The following CYRIB variants were observed in gnomAD, a reference collection of about 807,000 sequenced individuals.
CYRIB encodes the protein CYFIP related Rac1 interactor B.
Under a neutral mutation model 44.2 loss-of-function variants are expected in CYRIB, and 8 were observed. That is an observed-to-expected ratio of 0.18 (90% CI 0.11 to 0.33). The LOEUF (loss-of-function observed/expected upper bound fraction) is 0.33, where lower values mean the gene tolerates loss of function less well. Ranked by LOEUF, CYRIB falls within the 10% of genes least tolerant of loss-of-function variation. CYRIB has a pLI of 1.00. For synonymous variants in CYRIB, 131 were observed against 127.2 expected (o/e 1.03, Z -0.20); for missense variants, 185 against 382.8 (o/e 0.48, Z 4.31).
At chr8:129,983,534 A>C (rs2096331870) in intron 1 of CYRIB, among the ~76,000 whole-genome samples, 1 of 152,244 alleles carries the variant, frequency 6.6e-6, no homozygotes, top group South Asian at 2.1e-4. Context: ...TTTTTAAATA[A>C]GAAGACACCA....
At chr8:129,878,372 A>G (rs1003352992) in intron 3 of CYRIB, among the ~76,000 whole-genome samples, 4 of 152,222 alleles carry the variant, frequency 2.6e-5, no homozygotes, top group African/African-American at 9.6e-5. Flanking sequence ...GAATTACATA[A>G]AATTGTAAAA....
chr8:129,914,541 T>C (rs2079709955), intron 1 of CYRIB, among the ~76,000 whole-genome samples: 1 of 152,202 alleles, frequency 6.6e-6, no homozygotes, highest in South Asian at 2.1e-4. Context: ...CTAGAAATGA[T>C]GCTCACTCCA....
chr8:129,865,950 G>A (rs951469748), intron 4 of CYRIB, among the ~76,000 whole-genome samples: 1 of 152,164 alleles, frequency 6.6e-6, no homozygotes, highest in African/African-American at 2.4e-5. Context: ...AATCCCTTCA[G>A]CCACATCGGG....
At chr8:129,941,335 G>A (rs1334963577), upstream of CYRIB, among the ~76,000 whole-genome samples, 5 of 147,948 alleles carry the variant, frequency 3.4e-5, no homozygotes, top group South Asian at 2.2e-4. Flanking sequence ...GTACAGTGGC[G>A]CGATATCGGC....
Position 129,860,710 on chromosome 8 carries a change from A to G in CYRIB, c.301+1519T>C, listed in dbSNP as rs150350026. On this transcript the variant is annotated intron_variant, in intron 5 of 11. Transcript: ENST00000519824. ...TACAAATACAAATGGCCAAATAGCA[A>G]ATATAAATATAGTAAGATATTAAAA... Among the ~76,000 whole-genome samples, 71 of 152,294 alleles carry G rather than the reference A, an allele frequency of 4.7e-4. No homozygotes were observed. In the South Asian group the frequency reaches 0.01, roughly 22 times the overall value.
chr8:129,924,854 T>C (rs935166942), intron 1 of CYRIB, among the ~76,000 whole-genome samples: 1 of 152,162 alleles, frequency 6.6e-6, no homozygotes, highest in Non-Finnish European at 1.5e-5. Context: ...GGTGCATACC[T>C]ATAGTCCCAG....
At chr8:129,900,199 A>G (rs1242663935) in intron 2 of CYRIB, among the ~76,000 whole-genome samples, 1 of 148,870 alleles carries the variant, frequency 6.7e-6, no homozygotes, top group Admixed American at 6.7e-5. Flanking sequence ...GCAAATGAGT[A>G]AAAAAAAAAT....
At chr8:130,012,335 A>C (rs2097243710) in intron 1 of CYRIB, among the ~76,000 whole-genome samples, 1 of 152,216 alleles carries the variant, frequency 6.6e-6, no homozygotes, top group Non-Finnish European at 1.5e-5. Context: ...TTAAAATAGC[A>C]CACTTGGACT....
At chr8:129,959,976 G>A (rs535977659) in intron 2 of CYRIB, among the ~76,000 whole-genome samples, 2 of 152,314 alleles carry the variant, frequency 1.3e-5, no homozygotes, top group African/African-American at 2.4e-5. Context: ...AGAGCTGGGA[G>A]GATCTTAAGG....
intron 1 of CYRIB, among the ~76,000 whole-genome samples, chr8:129,978,656 G>A (rs954878455): frequency 1.3e-5 from 2 of 152,168 alleles, no homozygotes; most frequent in Non-Finnish European, 2.9e-5. Flanking sequence ...CCATCAATGT[G>A]TGTTATTATT....
At position 129,893,670 on chromosome 8, in the gene CYRIB, CCT is replaced by C. The variant is rs369549189; in HGVS notation, c.-11+9640_-11+9641del. On this transcript the variant is annotated intron_variant, in intron 2 of 11. Coordinates refer to ENST00000519824, the Ensembl canonical transcript of CYRIB. ...CTCTTTCAATCAACTTTCCTCCCCT[CCT>C]CTCTCACTGAAGATAATTAGTATCT... Among the ~76,000 whole-genome samples the C allele has an allele frequency of 1.5e-4, 23 of 152,284 alleles. 1 individual carries two copies. The East Asian group carries it at 4.3e-3, about 28-fold the overall frequency.
Position 129,998,224 on chromosome 8 carries a change from T to C in CYRIB, c.-296+18146A>G, listed in dbSNP as rs146830860. 9.6e-3 allele frequency among the ~76,000 whole-genome samples: 1,462 copies of C among 151,634 alleles called. 26 individuals are homozygous for C. Among genetic ancestry groups the C allele is most frequent in the African/African-American group, 0.033 (1,360 of 41,308 alleles). ...GACCTCAGTGTCCACATCTGGCCAC[T>C]GCACCAGATACTGGCTAAGGTCCCT... is the stretch of plus-strand genomic sequence containing the variant. On this transcript the variant is annotated intron_variant, in intron 1 of 14. Coordinates refer to the CYRIB transcript ENST00000401979.
At chr8:129,965,710 G>C (rs1385027004) in intron 2 of CYRIB, among the ~76,000 whole-genome samples, 1 of 151,698 alleles carries the variant, frequency 6.6e-6, no homozygotes, top group Non-Finnish European at 1.5e-5. Flanking sequence ...GCAGGAGAAT[G>C]GCATGAACCC....
At chr8:129,845,870 C>T (rs2039671540) in intron 11 of CYRIB, among the ~76,000 whole-genome samples, 1 of 152,172 alleles carries the variant, frequency 6.6e-6, no homozygotes, top group South Asian at 2.1e-4. Context: ...AGCAGCTGGG[C>T]ACAGTGGCTC....
In CYRIB at chr8:129,842,214, A is replaced by G; in HGVS notation, c.912-9T>C. ...AATGTTTTGTTGTGTACCTAAAAAAAGAAAAGAAAAAAGATCAATTTTAGG... is the reference window on the plus strand; with the variant it reads ...AATGTTTTGTTGTGTACCTAAAAAAGGAAAAGAAAAAAGATCAATTTTAGG... On this transcript the variant is annotated splice_polypyrimidine_tract_variant and intron_variant, in intron 11 of 11. Coordinates refer to ENST00000519824, the Ensembl canonical transcript of CYRIB. The G allele has an allele frequency of 3.1e-6, 5 of 1,597,938 alleles. No homozygotes were observed. The highest frequency in any genetic ancestry group is 4.3e-6 in the Non-Finnish European group (5 of 1,168,408).
chr8:129,979,045 G>A (rs2096087150), intron 1 of CYRIB, among the ~76,000 whole-genome samples: 1 of 152,088 alleles, frequency 6.6e-6, no homozygotes, highest in Non-Finnish European at 1.5e-5. Context: ...GGAGGCTGAG[G>A]CAACAGAATC....
intron 11 of CYRIB, 73 bp downstream of exon 13, chr8:129,846,730 AT>A (rs2040237635): frequency 1.0e-6 from 1 of 977,394 alleles, no homozygotes; most frequent in Admixed American, 2.5e-5. Flanking sequence ...CACTTAATGC[AT>A]TTTCTTTACA....
intron 1 of CYRIB, among the ~76,000 whole-genome samples, chr8:129,914,592 T>C (rs1228357446): frequency 6.6e-6 from 1 of 152,230 alleles, no homozygotes; most frequent in Non-Finnish European, 1.5e-5. Flanking sequence ...ACAGTTCTAA[T>C]TACTCTTGAA....
chr8:129,861,466 G>T (rs561443726), intron 5 of CYRIB, among the ~76,000 whole-genome samples: 1 of 152,156 alleles, frequency 6.6e-6, no homozygotes, highest in East Asian at 1.9e-4. Context: ...TTGAGACAGG[G>T]TCTCACTTTG....
Sources: gnomAD v4.1 joint callset for allele counts (sites outside exome capture counted in the v4.1 genomes callset) on GRCh38, gnomAD v4.1.1 for gene constraint, MANE v1.5 for transcripts, NCBI Gene and HGNC (gene_info 2026-07-23, HGNC 2026-07-21) for gene names.